C19orf47: variants seen among roughly 807,000 people sequenced by gnomAD.
The protein encoded by C19orf47 is uncharacterized protein C19orf47.
A neutral mutation model predicts 32.3 loss-of-function variants in C19orf47; 18 were observed. The ratio of observed to expected loss-of-function variants is 0.56; its 90% CI spans 0.39 to 0.83. The LOEUF (loss-of-function observed/expected upper bound fraction) is 0.83. Among genes scored for constraint, C19orf47 ranks in the 40% least tolerant of loss-of-function variants. C19orf47 has a pLI of 0.00. For synonymous variants in C19orf47, 202 were observed against 211.1 expected (o/e 0.96, Z 0.37); for missense variants, 484 against 531.6 (o/e 0.91, Z 0.88).
In C19orf47 at chr19:40,321,481, C is replaced by T; in HGVS notation, c.*401G>A. On this transcript the variant is annotated 3_prime_UTR_variant, in exon 9 of 9. Transcript: ENST00000683109. ...GGGGAGTGGGGGAAGGGAGGCCCAC[C>T]AGGTGACACCCACTTAGTTGAGGGG... 1 of 1,015,170 alleles carries T rather than the reference C, an allele frequency of 9.9e-7. No homozygotes were observed. The highest frequency in any genetic ancestry group is 1.2e-6 in the Non-Finnish European group (1 of 848,296). The allele number at this position is 1,015,170 out of a possible 1,614,324, so 62.9% of individuals were successfully genotyped here.
the C19orf47 span, among the ~76,000 whole-genome samples, chr19:40,304,409 T>G: frequency 6.6e-6 from 1 of 152,132 alleles, no homozygotes. Flanking sequence ...TCCCCAGGAA[T>G]CTTCTCAATC....
At chr19:40,299,946 T>C in the C19orf47 span, among the ~76,000 whole-genome samples, 19 of 151,860 alleles carry the variant, frequency 1.3e-4, no homozygotes, top group Non-Finnish European at 1.9e-4. Context: ...GGAGAATCGC[T>C]TGAACCCAGG....
intron 2 of C19orf47, among the ~76,000 whole-genome samples, chr19:40,338,672 C>T (rs536292424): frequency 2.8e-4 from 43 of 152,014 alleles, no homozygotes; most frequent in Admixed American, 1.1e-3. Flanking sequence ...CGTGAGCCAC[C>T]GCCCCCGGCA....
intron 7 of C19orf47, 128 bp from the exon 8 acceptor site, chr19:40,324,204 T>C (rs1282357823): frequency 1.1e-6 from 1 of 878,564 alleles, no homozygotes; most frequent in East Asian, 2.5e-5. Context: ...TGTGCTGAGT[T>C]GGGTGTTATG....
chr19:40,347,476 G>T (rs1322188699), intron 1 of C19orf47, among the ~76,000 whole-genome samples: 1 of 151,970 alleles, frequency 6.6e-6, no homozygotes, highest in Non-Finnish European at 1.5e-5. Flanking sequence ...AGGTTGCGGT[G>T]AGACGAAATT....
chr19:40,325,575 T>C (rs577800307), intron 7 of C19orf47, among the ~76,000 whole-genome samples: 9 of 151,884 alleles, frequency 5.9e-5, no homozygotes, highest in Non-Finnish European at 1.2e-4. Flanking sequence ...CTGCAGTGAG[T>C]TGACAAGGTG....
chr19:40,333,874 C>T lies in C19orf47; in HGVS notation c.278G>A (p.Gly93Asp), dbSNP rs1262816349. The T allele has an allele frequency of 1.9e-6, 3 of 1,578,504 alleles. No homozygotes were observed. Among genetic ancestry groups the T allele is most frequent in the Non-Finnish European group, 2.6e-6 (3 of 1,160,838 alleles). ...ACCACTGGTGCCACGGCGAATTTCG[C>T]CTGCAAGGGGGCTAGGGCTGCAGGG... is the stretch of plus-strand genomic sequence containing the variant. Reference protein sequence around the residue: ...SVPCSPSPLAGEIRRGTSAAS... With the variant: ...SVPCSPSPLADEIRRGTSAAS... The change falls in exon 5 of 9, where the codon GGC (glycine) becomes GAC (aspartate). Residue 93 changes from glycine (G) to aspartate (D), a missense_variant. Coordinates refer to ENST00000683109, the MANE Select transcript of C19orf47 (RefSeq NM_001256441.2).
downstream of C19orf47, among the ~76,000 whole-genome samples, chr19:40,316,612 A>G (rs1192762758): frequency 6.6e-6 from 1 of 152,224 alleles, no homozygotes; most frequent in South Asian, 2.1e-4. Flanking sequence ...TCCAGCTGGA[A>G]GAGTCCAACT....
chr19:40,299,094 T>C, the C19orf47 span, among the ~76,000 whole-genome samples: 1 of 152,132 alleles, frequency 6.6e-6, no homozygotes. Flanking sequence ...TAATCTGCCT[T>C]AAAAAATTAT....
chr19:40,298,301 CAAA>C, the C19orf47 span, among the ~76,000 whole-genome samples: 4 of 71,040 alleles, frequency 5.6e-5, no homozygotes, highest in Non-Finnish European at 6.1e-5. Flanking sequence ...AACATTGTCT[CAAA>C]AAAAAAAAAA....
downstream of C19orf47, among the ~76,000 whole-genome samples, chr19:40,317,562 G>A (rs2077670669): frequency 2.0e-5 from 3 of 152,184 alleles, no homozygotes; most frequent in African/African-American, 4.8e-5. Flanking sequence ...CTGTGACTCT[G>A]GAGCAGCTGG....
chr19:40,294,282 C>T, the C19orf47 span, among the ~76,000 whole-genome samples: 1 of 152,158 alleles, frequency 6.6e-6, no homozygotes, highest in Non-Finnish European at 1.5e-5. Context: ...CACATTAGCC[C>T]CCCAGATCTC....
intron 4 of C19orf47, 151 bp downstream of exon 4, chr19:40,335,959 G>A: frequency 1.5e-6 from 1 of 662,822 alleles, no homozygotes; most frequent in Non-Finnish European, 2.6e-6. Context: ...GAGAGGTTGG[G>A]CAATGTGCCC....
Position 40,323,995 on chromosome 19 carries a change from T to C in C19orf47, c.663+11A>G. On this transcript the variant is annotated intron_variant, in intron 8 of 8. Coordinates refer to ENST00000683109, the MANE Select transcript of C19orf47 (RefSeq NM_001256441.2). ...TCGCACGCCCAGAATCGCTCCCCCA[T>C]CCCCACTCACTTTACTCCCTGTCGT... The C allele has an allele frequency of 6.2e-7, 1 of 1,614,090 alleles. No homozygotes were observed. The highest frequency in any genetic ancestry group is 8.5e-7 in the Non-Finnish European group (1 of 1,179,992).
At chr19:40,300,598 C>A in the C19orf47 span, among the ~76,000 whole-genome samples, 1 of 152,026 alleles carries the variant, frequency 6.6e-6, no homozygotes, top group Non-Finnish European at 1.5e-5. Context: ...CAGAAATAAC[C>A]AGGTTTCCTT....
At chr19:40,298,414 C>T in the C19orf47 span, among the ~76,000 whole-genome samples, 1 of 152,128 alleles carries the variant, frequency 6.6e-6, no homozygotes, top group Admixed American at 6.5e-5. Flanking sequence ...AATTAAATAT[C>T]CAGGTCATTT....
intron 2 of C19orf47, 21 bp from the exon 3 acceptor site, chr19:40,336,428 C>T: frequency 1.3e-6 from 2 of 1,595,020 alleles, no homozygotes; most frequent in South Asian, 1.1e-5. Context: ...GGACAGGGCT[C>T]ATTACTCACA....
intron 2 of C19orf47, among the ~76,000 whole-genome samples, chr19:40,337,985 A>G (rs571726907): frequency 6.6e-6 from 1 of 152,306 alleles, no homozygotes; most frequent in Non-Finnish European, 1.5e-5. Context: ...TAATGATTCC[A>G]TGTATATGAA....
intron 6 of C19orf47, among the ~76,000 whole-genome samples, chr19:40,327,528 C>T (rs1335218729): frequency 6.6e-6 from 1 of 152,098 alleles, no homozygotes; most frequent in South Asian, 2.1e-4. Context: ...ACCTGCAGGA[C>T]AAAGGGGAGA....
Sources: gnomAD v4.1 joint callset for allele counts (sites outside exome capture counted in the v4.1 genomes callset) on GRCh38, gnomAD v4.1.1 for gene constraint, MANE v1.5 for transcripts, NCBI Gene and HGNC (gene_info 2026-07-23, HGNC 2026-07-21) for gene names.